The following FAM107B variants were observed in gnomAD, a reference collection of about 807,000 sequenced individuals.
FAM107B encodes family with sequence similarity 107 member B.
FAM107B carries 21 observed loss-of-function variants against 31.5 expected under a neutral mutation model. The observed-to-expected ratio is 0.67, with a 90% CI of 0.47 to 0.96. FAM107B has a LOEUF of 0.96. Ranked by LOEUF, FAM107B falls within the 40% of genes least tolerant of loss-of-function variation. FAM107B has a pLI of 0.00. For synonymous variants in FAM107B, 157 were observed against 141.5 expected (o/e 1.11, Z -0.78); for missense variants, 452 against 377.1 (o/e 1.20, Z -1.64).
chr10:14,591,917 A>G (rs1442908093), intron 2 of FAM107B, among the ~76,000 whole-genome samples: 2 of 152,036 alleles, frequency 1.3e-5, no homozygotes, highest in Non-Finnish European at 2.9e-5. Flanking sequence ...AAGTGACCTG[A>G]TTCCTTCAAC....
intron 2 of FAM107B, among the ~76,000 whole-genome samples, chr10:14,622,938 C>A (rs551993571): frequency 6.6e-6 from 1 of 152,280 alleles, no homozygotes; most frequent in East Asian, 1.9e-4. Context: ...TACACAATTT[C>A]TAGTTTGCCT....
At chr10:14,739,593 C>G (rs189859417) in intron 1 of FAM107B, among the ~76,000 whole-genome samples, 101 of 151,956 alleles carry the variant, frequency 6.6e-4, no homozygotes, top group African/African-American at 2.2e-3. Flanking sequence ...ATCATCAGTG[C>G]CTGGCATATA....
chr10:14,604,067 G>C (rs1402488747), intron 2 of FAM107B, among the ~76,000 whole-genome samples: 1 of 146,316 alleles, frequency 6.8e-6, no homozygotes, highest in Non-Finnish European at 1.5e-5. Context: ...GCGCCGCGCG[G>C]GGTGACCCGT....
At chr10:14,672,930 G>T (rs1854595114) in intron 1 of FAM107B, among the ~76,000 whole-genome samples, 2 of 152,182 alleles carry the variant, frequency 1.3e-5, no homozygotes, top group Non-Finnish European at 2.9e-5. Flanking sequence ...AAGTTTAGAA[G>T]CAAAAAGGTA....
chr10:14,723,651 TG>T, intron 1 of FAM107B: 1 of 734,022 alleles, frequency 1.4e-6, no homozygotes, highest in Non-Finnish European at 2.5e-6. Context: ...AGGATTACTC[TG>T]CGAGAGGCTG....
At chr10:14,750,236 G>T (rs1832800537) in intron 1 of FAM107B, among the ~76,000 whole-genome samples, 1 of 152,344 alleles carries the variant, frequency 6.6e-6, no homozygotes, top group Admixed American at 6.5e-5. Context: ...AAGACTTGGG[G>T]CATGGGGTGT....
At chr10:14,727,036 C>T (rs1227043294) in intron 1 of FAM107B, among the ~76,000 whole-genome samples, 1 of 151,966 alleles carries the variant, frequency 6.6e-6, no homozygotes, top group South Asian at 2.1e-4. Context: ...ATTAGATTCT[C>T]ATAAGAAGCA....
chr10:14,741,904 CT>C, intron 1 of FAM107B, among the ~76,000 whole-genome samples: 1 of 151,652 alleles, frequency 6.6e-6, no homozygotes, highest in South Asian at 2.1e-4. Flanking sequence ...GACGGGGTTT[CT>C]ACTAAACCCC....
chr10:14,730,919 C>T (rs953846516), intron 1 of FAM107B, among the ~76,000 whole-genome samples: 1 of 151,916 alleles, frequency 6.6e-6, no homozygotes, highest in Non-Finnish European at 1.5e-5. Context: ...ATGCAGGGGG[C>T]AGAGGTGACT....
chr10:14,664,170 GCT>G (rs1854344863), intron 2 of FAM107B, among the ~76,000 whole-genome samples: 1 of 152,060 alleles, frequency 6.6e-6, no homozygotes, highest in African/African-American at 2.4e-5. Flanking sequence ...TTTTCTCCTA[GCT>G]CTCTGTGTTC....
intron 1 of FAM107B, among the ~76,000 whole-genome samples, chr10:14,751,485 G>A (rs1472554755): frequency 6.6e-6 from 1 of 151,452 alleles, no homozygotes; most frequent in Non-Finnish European, 1.5e-5. Flanking sequence ...GTTGAATAGA[G>A]TGAACTTATA....
rs564751239 is a variant in FAM107B at position 14,763,056 on chromosome 10, C to T, written c.411+11197G>A. Among the ~76,000 whole-genome samples the T allele has an allele frequency of 8.6e-5, 13 of 151,530 alleles. 1 individual carries two copies. The South Asian group carries it at 1.5e-3, about 17-fold the overall frequency. The stretch of plus-strand genomic sequence containing the variant: ...GGGAGGTGGATCCCCTGAGATCAGG[C>T]GTTCAAGACCAGCCTGGCCAACATG... On this transcript the variant is annotated intron_variant, in intron 1 of 4. Transcript: ENST00000181796.
intron 1 of FAM107B, among the ~76,000 whole-genome samples, chr10:14,671,885 CAAA>C (rs1277490948): frequency 1.0e-4 from 4 of 38,754 alleles, no homozygotes; most frequent in Non-Finnish European, 1.6e-4. Flanking sequence ...AAAAAAAAAA[CAAA>C]AAAACAAAAA....
At chr10:14,639,319 C>T (rs1853576406) in intron 2 of FAM107B, among the ~76,000 whole-genome samples, 1 of 152,168 alleles carries the variant, frequency 6.6e-6, no homozygotes, top group African/African-American at 2.4e-5. Context: ...TCAAACAAGA[C>T]CAGCAACCTT....
At chr10:14,698,800 T>C (rs1444135242) in intron 1 of FAM107B, among the ~76,000 whole-genome samples, 2 of 152,294 alleles carry the variant, frequency 1.3e-5, no homozygotes, top group Admixed American at 1.3e-4. Flanking sequence ...GCCTGAGACA[T>C]AAGCACAAAT....
intron 2 of FAM107B, chr10:14,604,257 G>T (rs1200713090): frequency 1.0e-6 from 1 of 979,464 alleles, no homozygotes; most frequent in Non-Finnish European, 1.2e-6. Flanking sequence ...CGCGCACAAA[G>T]GCGCGCGGCT....
intron 1 of FAM107B, among the ~76,000 whole-genome samples, chr10:14,732,452 C>T (rs1856195932): frequency 6.6e-6 from 1 of 152,160 alleles, no homozygotes; most frequent in East Asian, 1.9e-4. Context: ...TTTCCTGGCT[C>T]CCCAGTAAGT....
At chr10:14,531,753 G>A (rs1588491881) in intron 2 of FAM107B, among the ~76,000 whole-genome samples, 1 of 152,232 alleles carries the variant, frequency 6.6e-6, no homozygotes, top group East Asian at 1.9e-4. Flanking sequence ...AGAATCGCTT[G>A]AAGCCAGGAG....
intron 2 of FAM107B, among the ~76,000 whole-genome samples, chr10:14,662,032 T>G (rs528602643): frequency 1.3e-4 from 20 of 152,330 alleles, no homozygotes; most frequent in Non-Finnish European, 2.5e-4. Context: ...AATTTTCCTC[T>G]GCAGAGTCTC....
Sources: gnomAD v4.1 joint callset for allele counts (sites outside exome capture counted in the v4.1 genomes callset) on GRCh38, gnomAD v4.1.1 for gene constraint, MANE v1.5 for transcripts, NCBI Gene and HGNC (gene_info 2026-07-23, HGNC 2026-07-21) for gene names.